ZPBP: variants seen among roughly 807,000 people sequenced by gnomAD.
ZPBP encodes zona pellucida-binding protein 1.
ZPBP carries 26 observed loss-of-function variants against 44.8 expected under a neutral mutation model. The ratio of observed to expected loss-of-function variants is 0.58; its 90% CI spans 0.43 to 0.81. The LOEUF is 0.81. ZPBP is among the 30% of genes least tolerant of loss of function. The pLI, the probability that ZPBP is intolerant of heterozygous loss-of-function variation, is 0.00. For synonymous variants in ZPBP, 174 were observed against 153.2 expected (o/e 1.14, Z -1.00); for missense variants, 409 against 434.0 (o/e 0.94, Z 0.51).
chr7:49,941,720 G>T (rs1794892567), intron 7 of ZPBP, among the ~76,000 whole-genome samples: 1 of 151,972 alleles, frequency 6.6e-6, no homozygotes, highest in Non-Finnish European at 1.5e-5. Context: ...CAAAGCTATT[G>T]ATTCAATGCA....
intron 6 of ZPBP, among the ~76,000 whole-genome samples, chr7:50,013,558 T>C (rs960013032): frequency 2.6e-5 from 4 of 152,060 alleles, no homozygotes; most frequent in African/African-American, 9.7e-5. Context: ...ATGGCATTTC[T>C]CCTTTCAAAG....
intron 5 of ZPBP, among the ~76,000 whole-genome samples, chr7:50,030,335 A>G (rs578142037): frequency 6.6e-6 from 1 of 152,216 alleles, no homozygotes; most frequent in South Asian, 2.1e-4. Context: ...AGTAAGGAAG[A>G]TAAAAGACAG....
chr7:49,968,197 A>G (rs146450973), intron 7 of ZPBP, among the ~76,000 whole-genome samples: 3,139 of 152,146 alleles, frequency 0.021, 258 homozygotes, highest in Admixed American at 0.15. Context: ...AATACTCCAA[A>G]TTCAGTAATG....
In ZPBP at chr7:50,066,334, T is replaced by C. The variant is rs575277485; in HGVS notation, c.335-8193A>G. 1.0e-4 allele frequency among the ~76,000 whole-genome samples: 15 copies of C among 150,428 alleles called. No homozygotes were observed. In the East Asian group the frequency reaches 2.9e-3, roughly 29 times the overall value. ...AGGTTAAGAGCTTAGGGTCATAACA[T>C]ACATATAGCTGATTATTTCCTGGGT... On this transcript the variant is annotated intron_variant, in intron 3 of 7. Transcript: ENST00000046087.
At chr7:49,845,082 AGAACACAT>A in the ZPBP span, among the ~76,000 whole-genome samples, 1 of 152,156 alleles carries the variant, frequency 6.6e-6, no homozygotes, top group African/African-American at 2.4e-5. Context: ...CTGAACGATG[AGAACACAT>A]GAACACATGG....
chr7:49,878,574 T>C (rs1346326855), intron 2 of ZPBP, among the ~76,000 whole-genome samples: 1 of 152,200 alleles, frequency 6.6e-6, no homozygotes, highest in African/African-American at 2.4e-5. Flanking sequence ...GGTCTACTTT[T>C]TGCTCCTTTG....
At chr7:50,084,775 A>G (rs1273470046) in intron 2 of ZPBP, among the ~76,000 whole-genome samples, 1 of 152,192 alleles carries the variant, frequency 6.6e-6, no homozygotes, top group East Asian at 1.9e-4. Flanking sequence ...ATAACGTTTT[A>G]TAATTCAGCT....
intron 7 of ZPBP, among the ~76,000 whole-genome samples, chr7:49,974,205 T>G (rs192079329): frequency 1.3e-5 from 2 of 152,246 alleles, no homozygotes; most frequent in East Asian, 3.9e-4. Flanking sequence ...AGATCCTAAA[T>G]GGATAGTGGT....
intron 4 of ZPBP, among the ~76,000 whole-genome samples, chr7:50,033,810 A>G (rs569956376): frequency 6.6e-5 from 10 of 152,190 alleles, no homozygotes; most frequent in Non-Finnish European, 1.0e-4. Context: ...CTCCCGCCTC[A>G]GCCTCCCAAG....
At chr7:50,063,697 C>G (rs1265427597) in intron 3 of ZPBP, among the ~76,000 whole-genome samples, 1 of 152,076 alleles carries the variant, frequency 6.6e-6, no homozygotes, top group East Asian at 1.9e-4. Context: ...TCCATGATAG[C>G]TCGGCCATTA....
At chr7:49,858,565 G>A (rs1790520922) in intron 2 of ZPBP, among the ~76,000 whole-genome samples, 1 of 123,358 alleles carries the variant, frequency 8.1e-6, no homozygotes, top group Non-Finnish European at 1.7e-5. Context: ...TGGGGTGGGG[G>A]AGGGGGGAGG....
intron 2 of ZPBP, among the ~76,000 whole-genome samples, chr7:49,860,274 C>G (rs1169458017): frequency 1.3e-5 from 2 of 152,176 alleles, no homozygotes; most frequent in African/African-American, 4.8e-5. Flanking sequence ...ACGTCAGGCT[C>G]ATGGTAAATT....
intron 4 of ZPBP, among the ~76,000 whole-genome samples, chr7:50,051,074 C>T (rs1800670292): frequency 6.6e-6 from 1 of 151,806 alleles, no homozygotes; most frequent in Admixed American, 6.6e-5. Flanking sequence ...CTACAAGGAA[C>T]TTAAACAAAT....
intron 2 of ZPBP, among the ~76,000 whole-genome samples, chr7:49,868,902 A>G (rs962111952): frequency 6.6e-6 from 1 of 152,262 alleles, no homozygotes; most frequent in Non-Finnish European, 1.5e-5. Flanking sequence ...TACGGGCATG[A>G]GCCACTGCAC....
intron 7 of ZPBP, among the ~76,000 whole-genome samples, chr7:49,977,097 G>T (rs1026370624): frequency 2.2e-5 from 1 of 44,688 alleles, no homozygotes; most frequent in African/African-American, 2.1e-4. Context: ...GCAAGACTCC[G>T]TCTCTAAATA....
In ZPBP at chr7:49,981,686, A is replaced by AT. The variant is rs556651748; in HGVS notation, c.961+1655_961+1656insA. Among the ~76,000 whole-genome samples, 20 of 40,634 alleles carry AT rather than the reference A, an allele frequency of 4.9e-4. 1 individual carries two copies. Among genetic ancestry groups the AT allele is most frequent in the South Asian group, 1.8e-3 (2 of 1,096 alleles). 26.7% of individuals were successfully genotyped at this position (40,634 alleles called of 152,430 possible). On this transcript the variant is annotated intron_variant, in intron 7 of 7. Coordinates refer to ENST00000046087, the MANE Select transcript of ZPBP (RefSeq NM_007009.3). ...ATATATATTATATATTATATATAATAATATATATAATTATATATAATATAT... is the reference window on the plus strand; with the variant it reads ...ATATATATTATATATTATATATAATATATATATATAATTATATATAATATAT...
At chr7:50,050,546 T>C (rs184079057) in intron 4 of ZPBP, among the ~76,000 whole-genome samples, 1 of 151,928 alleles carries the variant, frequency 6.6e-6, no homozygotes, top group East Asian at 1.9e-4. Flanking sequence ...TGAACATCCA[T>C]ATGTAAAAAA....
At chr7:49,917,443 T>C (rs1390455191) in intron 1 of ZPBP, 1 of 152,204 alleles carries the variant, frequency 6.6e-6, no homozygotes, top group Non-Finnish European at 1.5e-5. Flanking sequence ...GCTTGGCCCA[T>C]GAGCAGTTTA....
chr7:49,893,662 C>A (rs1181602878), intron 2 of ZPBP, among the ~76,000 whole-genome samples: 2 of 149,604 alleles, frequency 1.3e-5, no homozygotes, highest in African/African-American at 4.9e-5. Flanking sequence ...CCTTTTGAGA[C>A]CAGTACCCTG....
Sources: allele counts gnomAD v4.1 joint callset (sites outside exome capture counted in the v4.1 genomes callset), GRCh38; gene constraint gnomAD v4.1.1; transcripts MANE v1.5; gene names NCBI Gene and HGNC (gene_info 2026-07-23, HGNC 2026-07-21).